The following NRG4 variants were observed in gnomAD, a reference collection of about 807,000 sequenced individuals.
The protein encoded by NRG4 is pro-neuregulin-4, membrane-bound isoform.
In NRG4, 10 loss-of-function variants were observed where a neutral mutation model predicts 15.0. The ratio of observed to expected loss-of-function variants is 0.67; its 90% CI spans 0.41 to 1.13. The LOEUF (loss-of-function observed/expected upper bound fraction) is 1.13. Ranked by LOEUF, NRG4 falls within the 50% of genes most tolerant of loss-of-function variation. The pLI is 0.00. For missense variants in NRG4, 139 were observed against 140.2 expected (o/e 0.99, Z 0.04); for synonymous variants, 41 against 50.1 (o/e 0.82, Z 0.77).
At chr15:76,008,430 T>C (rs1345566770) in intron 3 of NRG4, among the ~76,000 whole-genome samples, 1 of 152,370 alleles carries the variant, frequency 6.6e-6, no homozygotes, top group East Asian at 1.9e-4. Flanking sequence ...CTAGATTCTA[T>C]ACTTCTCATT....
chr15:75,971,587 T>C (rs1227639896), intron 3 of NRG4, among the ~76,000 whole-genome samples: 1 of 152,164 alleles, frequency 6.6e-6, no homozygotes, highest in Non-Finnish European at 1.5e-5. Context: ...ATCCTATCTA[T>C]AGAGGATATT....
At chr15:75,983,436 A>G (rs186164529) in intron 3 of NRG4, among the ~76,000 whole-genome samples, 59 of 152,320 alleles carry the variant, frequency 3.9e-4, no homozygotes, top group Non-Finnish European at 2.1e-4. Flanking sequence ...CAAAGTTAAA[A>G]AACAATAAAA....
chr15:76,018,464 G>A (rs979669950), intron 5 of NRG4, among the ~76,000 whole-genome samples: 1 of 152,156 alleles, frequency 6.6e-6, no homozygotes, highest in Admixed American at 6.5e-5. Context: ...CTTCGTGGAT[G>A]TATCTACCTT....
intron 5 of NRG4, among the ~76,000 whole-genome samples, chr15:76,028,552 G>T (rs183947925): frequency 1.7e-3 from 265 of 151,442 alleles, no homozygotes; most frequent in Non-Finnish European, 2.7e-3. Flanking sequence ...GAACTGTAAT[G>T]AACCTTTAAA....
chr15:75,985,182 G>C (rs1255861939), intron 3 of NRG4, among the ~76,000 whole-genome samples: 8 of 152,064 alleles, frequency 5.3e-5, no homozygotes, highest in Non-Finnish European at 1.2e-4. Flanking sequence ...AAAAAAATAA[G>C]GGTAAGTTCC....
At chr15:75,991,028 T>C (rs140107188) in intron 3 of NRG4, among the ~76,000 whole-genome samples, 13 of 152,154 alleles carry the variant, frequency 8.5e-5, no homozygotes, top group Admixed American at 5.9e-4. Context: ...AATTTTTATA[T>C]AATCTTTTCA....
intron 5 of NRG4, among the ~76,000 whole-genome samples, chr15:76,026,733 A>G (rs373516429): frequency 6.6e-6 from 1 of 152,226 alleles, no homozygotes. Context: ...GAAAACAAAC[A>G]TAAAAACAGA....
chr15:76,020,275 AG>A, intron 5 of NRG4, among the ~76,000 whole-genome samples: 1 of 152,328 alleles, frequency 6.6e-6, no homozygotes, highest in East Asian at 1.9e-4. Context: ...TAAGTGTTCA[AG>A]TAAAAGGGAG....
chr15:76,010,634 A>G (rs2034775945), intron 2 of NRG4, among the ~76,000 whole-genome samples: 1 of 152,068 alleles, frequency 6.6e-6, no homozygotes, highest in Admixed American at 6.6e-5. Flanking sequence ...ATGCTTTTAG[A>G]TTTTTTTCTT....
intron 5 of NRG4, among the ~76,000 whole-genome samples, chr15:75,948,973 T>G (rs368362823): frequency 7.2e-5 from 11 of 152,104 alleles, no homozygotes; most frequent in African/African-American, 2.4e-4. Context: ...ACTGCTTGAG[T>G]GCAGGAGCTC....
At chr15:76,057,452 C>T (rs940438224) in intron 1 of NRG4, among the ~76,000 whole-genome samples, 1 of 152,286 alleles carries the variant, frequency 6.6e-6, no homozygotes. Context: ...CCTCATCAGC[C>T]TCAAGGGCTA....
chr15:76,041,716 C>T (rs1310203584), intron 4 of NRG4, among the ~76,000 whole-genome samples: 1 of 152,030 alleles, frequency 6.6e-6, no homozygotes, highest in Non-Finnish European at 1.5e-5. Flanking sequence ...GAGATAAACT[C>T]CAATATGATA....
chr15:75,938,577 A>G (rs1020585245), downstream of NRG4: 1 of 152,266 alleles, frequency 6.6e-6, no homozygotes, highest in Non-Finnish European at 1.5e-5. Flanking sequence ...CAGAATATCA[A>G]CAGATAGGCA....
At chr15:76,014,280 C>T, upstream of NRG4, among the ~76,000 whole-genome samples, 1 of 151,996 alleles carries the variant, frequency 6.6e-6, no homozygotes, top group East Asian at 1.9e-4. Flanking sequence ...AAATTTTCTC[C>T]CATTCTGTAG....
At chr15:76,015,923 A>G (rs2034960287), upstream of NRG4, among the ~76,000 whole-genome samples, 1 of 152,158 alleles carries the variant, frequency 6.6e-6, no homozygotes, top group Non-Finnish European at 1.5e-5. Context: ...AAGGAATGGT[A>G]CCAGGTCCTC....
chr15:75,955,870 C>T (rs916499754), intron 5 of NRG4, 62 bp downstream of exon 5: 9 of 905,412 alleles, frequency 9.9e-6, no homozygotes, highest in Admixed American at 7.5e-5. Flanking sequence ...CAAATCCCTA[C>T]ATCTAACAAC....
At position 75,971,447 on chromosome 15, in the gene NRG4, A is replaced by T. The variant is rs531365617; in HGVS notation, c.105-9473T>A. Among the ~76,000 whole-genome samples the T allele has an allele frequency of 3.3e-5, 5 of 152,320 alleles. No individual in the cohort carries two copies. The East Asian group carries it at 9.6e-4, about 29-fold the overall frequency. The stretch of plus-strand genomic sequence containing the variant: ...AAGGAGAACACCTCTTTGATTTTGG[A>T]CCAGAGAGATTTTGTGTTTCTGTGT... On this transcript the variant is annotated intron_variant, in intron 3 of 5. Transcript: ENST00000394907.
intron 5 of NRG4, among the ~76,000 whole-genome samples, chr15:75,951,656 G>A (rs2141785436): frequency 6.6e-6 from 1 of 152,214 alleles, no homozygotes; most frequent in African/African-American, 2.4e-5. Context: ...ACTTATTACA[G>A]TTTCCCTTCA....
At chr15:75,985,777 A>G (rs2033778317) in intron 3 of NRG4, among the ~76,000 whole-genome samples, 1 of 151,846 alleles carries the variant, frequency 6.6e-6, no homozygotes, top group Non-Finnish European at 1.5e-5. Flanking sequence ...AAACCCATAA[A>G]AGACTGATAA....
Sources: allele counts gnomAD v4.1 joint callset (sites outside exome capture counted in the v4.1 genomes callset), GRCh38; gene constraint gnomAD v4.1.1; transcripts MANE v1.5; gene names NCBI Gene and HGNC (gene_info 2026-07-23, HGNC 2026-07-21).